Variants in SHOC2 observed in about 807,000 individuals in gnomAD.
SHOC2 encodes SHOC2 leucine rich repeat scaffold protein, also known as leucine-rich repeat protein SHOC-2.
Under a neutral mutation model 50.2 loss-of-function variants are expected in SHOC2, and 4 were observed. The observed-to-expected ratio is 0.08, with a 90% CI of 0.04 to 0.18. The LOEUF is 0.18. Ranked by LOEUF, SHOC2 falls within the 10% of genes least tolerant of loss-of-function variation. The pLI is 1.00. For synonymous variants in SHOC2, 218 were observed against 244.5 expected (o/e 0.89, Z 1.01); for missense variants, 388 against 669.6 (o/e 0.58, Z 4.64).
chr10:110,997,236 CTG>C (rs1478809409), intron 3 of SHOC2, among the ~76,000 whole-genome samples: 1 of 152,010 alleles, frequency 6.6e-6, no homozygotes. Context: ...TAAAATATCT[CTG>C]TAATGTAAAA....
intron 1 of SHOC2, among the ~76,000 whole-genome samples, chr10:110,936,469 G>C (rs552844152): frequency 2.0e-5 from 3 of 151,566 alleles, no homozygotes; most frequent in African/African-American, 7.3e-5. Context: ...TGTTTTTTGC[G>C]TAGATTCTCA....
chr10:110,984,463 C>G (rs567663178), intron 2 of SHOC2, among the ~76,000 whole-genome samples: 75 of 152,282 alleles, frequency 4.9e-4, no homozygotes, highest in African/African-American at 1.8e-3. Context: ...TGCCTTTTCA[C>G]TCTTCATAGT....
intron 1 of SHOC2, among the ~76,000 whole-genome samples, chr10:110,941,012 A>G (rs1564705855): frequency 6.8e-6 from 1 of 147,092 alleles, no homozygotes; most frequent in South Asian, 2.2e-4. Context: ...ACTCACTGCA[A>G]CCTCCATGTC....
intron 2 of SHOC2, among the ~76,000 whole-genome samples, chr10:110,982,618 A>AT (rs1399496940): frequency 6.6e-6 from 1 of 151,186 alleles, no homozygotes; most frequent in Non-Finnish European, 1.5e-5. Context: ...GATGATGAGC[A>AT]TTTTTTCATG....
At chr10:110,987,261 A>T (rs944231189) in intron 3 of SHOC2, among the ~76,000 whole-genome samples, 6 of 151,922 alleles carry the variant, frequency 3.9e-5, no homozygotes, top group African/African-American at 1.5e-4. Flanking sequence ...TTATTTATTT[A>T]TTTTTTTATT....
At chr10:110,988,589 T>A (rs1848124649) in intron 3 of SHOC2, among the ~76,000 whole-genome samples, 1 of 152,184 alleles carries the variant, frequency 6.6e-6, no homozygotes, top group Admixed American at 6.5e-5. Context: ...CTCTTTTTCT[T>A]AATCATTCTG....
intron 1 of SHOC2, among the ~76,000 whole-genome samples, chr10:110,952,657 G>A (rs1372268655): frequency 2.0e-5 from 3 of 151,878 alleles, no homozygotes; most frequent in Non-Finnish European, 2.9e-5. Flanking sequence ...TCAACCTGTC[G>A]TCTAGGTTTT....
At chr10:110,937,036 A>G in intron 1 of SHOC2, 7 of 1,485,608 alleles carry the variant, frequency 4.7e-6, no homozygotes, top group Middle Eastern at 3.5e-4. Flanking sequence ...GGCGTCGGAA[A>G]GGGTTGGTGT....
chr10:110,952,756 T>A (rs1847381472), intron 1 of SHOC2, among the ~76,000 whole-genome samples: 1 of 152,100 alleles, frequency 6.6e-6, no homozygotes, highest in Admixed American at 6.5e-5. Flanking sequence ...GTTGTTCCCC[T>A]CCGTGTCCAT....
rs1364080013 is a variant in SHOC2 at position 111,009,309 on chromosome 10, A to G, written c.1346A>G (p.Lys449Arg). The G allele has an allele frequency of 2.5e-6, 4 of 1,600,470 alleles. No homozygotes were observed. The highest frequency in any genetic ancestry group is 3.4e-6 in the Non-Finnish European group (4 of 1,167,918). The change falls in exon 7 of 9, where the codon AAG (lysine) becomes AGG (arginine). Residue 449 changes from lysine to arginine, a missense_variant. Physicochemically the swap from Lys to Arg is conservative, Grantham distance 26 (BLOSUM62 2). Transcript: ENST00000369452. ...CCCCATGGTCTTGGAAACCTTAGGAAGTTAAGAGAGTTGGATCTAGAAGAG... is the reference window on the plus strand; with the variant it reads ...CCCCATGGTCTTGGAAACCTTAGGAGGTTAAGAGAGTTGGATCTAGAAGAG... ...KLPHGLGNLR[K>R]LRELDLEENK...
At chr10:110,982,701 T>A (rs535328299) in intron 2 of SHOC2, among the ~76,000 whole-genome samples, 1 of 152,150 alleles carries the variant, frequency 6.6e-6, no homozygotes, top group East Asian at 1.9e-4. Context: ...TTTGATGGGG[T>A]TGTTTGTTTT....
chr10:110,975,356 C>T (rs969540106), intron 2 of SHOC2, among the ~76,000 whole-genome samples: 1 of 152,004 alleles, frequency 6.6e-6, no homozygotes, highest in Admixed American at 6.6e-5. Flanking sequence ...GGGGTTTCAC[C>T]GTGTCTCGAT....
intron 1 of SHOC2, among the ~76,000 whole-genome samples, chr10:110,933,862 C>T (rs1291272396): frequency 3.3e-5 from 5 of 151,970 alleles, no homozygotes; most frequent in Non-Finnish European, 5.9e-5. Flanking sequence ...ATGCCCATAT[C>T]TTTTGATTTT....
rs1848490158 is a variant in SHOC2 at position 111,007,403 on chromosome 10, C to T, written c.1162-128C>T. Reference sequence around the variant, plus strand: ...TTTCTGTTGCTGATTTTTTTTCTTTCTATATTTAAATATCAAAAAGGGGAA... The same window carrying T: ...TTTCTGTTGCTGATTTTTTTTCTTTTTATATTTAAATATCAAAAAGGGGAA... On this transcript the variant is annotated intron_variant, in intron 5 of 8. Coordinates refer to ENST00000369452, the MANE Select transcript of SHOC2 (RefSeq NM_007373.4). 8 of 1,063,388 alleles carry T rather than the reference C, an allele frequency of 7.5e-6. No homozygotes were observed. The Admixed American group carries it at 1.4e-4, about 19-fold the overall frequency. 65.9% of individuals were successfully genotyped at this position (1,063,388 alleles called of 1,614,324 possible). A position where few individuals can be genotyped will look rare whatever the true frequency, so the allele number is the denominator to read the frequency against.
chr10:110,973,192 G>A (rs1590810595), intron 2 of SHOC2, among the ~76,000 whole-genome samples: 1 of 152,098 alleles, frequency 6.6e-6, no homozygotes, highest in East Asian at 1.9e-4. Flanking sequence ...ATAGTTTTAC[G>A]AATGTATTTT....
At chr10:110,995,237 GT>G (rs1283615601) in intron 3 of SHOC2, among the ~76,000 whole-genome samples, 4 of 152,176 alleles carry the variant, frequency 2.6e-5, no homozygotes, top group Non-Finnish European at 5.9e-5. Context: ...CACTTACTGG[GT>G]TTTCAGTCTG....
At chr10:110,981,040 TGCACAGTA>T (rs1847967172) in intron 2 of SHOC2, among the ~76,000 whole-genome samples, 3 of 152,196 alleles carry the variant, frequency 2.0e-5, no homozygotes, top group Non-Finnish European at 4.4e-5. Flanking sequence ...CTCTAGTAGG[TGCACAGTA>T]AGTTTTTCTT....
At chr10:110,986,510 G>T (rs1848079277) in intron 3 of SHOC2, among the ~76,000 whole-genome samples, 1 of 151,846 alleles carries the variant, frequency 6.6e-6, no homozygotes, top group Non-Finnish European at 1.5e-5. Context: ...GTTTCACTCT[G>T]CCTCTCAGGC....
chr10:110,955,525 G>A (rs960833332), intron 1 of SHOC2, among the ~76,000 whole-genome samples: 1 of 152,128 alleles, frequency 6.6e-6, no homozygotes, highest in Admixed American at 6.5e-5. Flanking sequence ...CAGTTTAAAA[G>A]ACATTTATTG....
Sources: allele counts gnomAD v4.1 joint callset (sites outside exome capture counted in the v4.1 genomes callset), GRCh38; gene constraint gnomAD v4.1.1; transcripts MANE v1.5; gene names NCBI Gene and HGNC (gene_info 2026-07-23, HGNC 2026-07-21).